CFAP20DC: variants seen among roughly 807,000 people sequenced by gnomAD.
CFAP20DC encodes CFAP20 domain containing, also known as protein CFAP20DC.
In CFAP20DC, 84 loss-of-function variants were observed where a neutral mutation model predicts 101.7. That is an observed-to-expected ratio of 0.83 (90% confidence interval 0.69 to 0.99). CFAP20DC has a LOEUF of 0.99. CFAP20DC is among the 50% of genes least tolerant of loss of function. The pLI is 0.00. For missense variants in CFAP20DC, 1,007 were observed against 970.3 expected, an observed-to-expected ratio of 1.04 and a Z score of -0.50; for synonymous variants, 359 against 351.2, an observed-to-expected ratio of 1.02 and a Z score of -0.25.
At chr3:58,949,022 G>A (rs2089737487) in intron 4 of CFAP20DC, among the ~76,000 whole-genome samples, 1 of 151,896 alleles carries the variant, frequency 6.6e-6, no homozygotes, top group Non-Finnish European at 1.5e-5. Flanking sequence ...TCTTGGGAGG[G>A]TGTATGTGTC....
chr3:58,719,330 CTAGT>C (rs1212676164), intron 3 of CFAP20DC, among the ~76,000 whole-genome samples: 1 of 152,162 alleles, frequency 6.6e-6, no homozygotes, highest in African/African-American at 2.4e-5. Context: ...GAGTAGCGTT[CTAGT>C]TAATCGAGGT....
intron 15 of CFAP20DC, among the ~76,000 whole-genome samples, chr3:58,771,926 A>G (rs1012239849): frequency 6.6e-6 from 1 of 152,136 alleles, no homozygotes; most frequent in Admixed American, 6.6e-5. Context: ...TTTCTTTTCT[A>G]TGAAGACTTC....
At chr3:58,841,135 C>A (rs2077072485) in intron 13 of CFAP20DC, among the ~76,000 whole-genome samples, 1 of 152,216 alleles carries the variant, frequency 6.6e-6, no homozygotes. Context: ...CCTAAGTGAA[C>A]CTGCACAGTT....
intron 4 of CFAP20DC, among the ~76,000 whole-genome samples, chr3:59,022,930 T>C (rs1390882533): frequency 6.6e-6 from 1 of 152,132 alleles, no homozygotes; most frequent in Non-Finnish European, 1.5e-5. Context: ...TACATGACCA[T>C]TTCAAGAAAA....
intron 4 of CFAP20DC, among the ~76,000 whole-genome samples, chr3:58,956,971 A>G (rs2090690775): frequency 6.6e-6 from 1 of 152,180 alleles, no homozygotes; most frequent in Non-Finnish European, 1.5e-5. Context: ...TCCCTCCCAC[A>G]ACACAAGGGG....
At position 58,861,755 on chromosome 3, in the gene CFAP20DC, A is replaced by G; in HGVS notation, c.1593+1803T>C. On this transcript the variant is annotated intron_variant, in intron 12 of 16. Transcript: ENST00000482387. The surrounding 1 kb of genome is among the most constrained non-coding windows in gnomAD (Gnocchi z 4.0). ...CTCTGATTAAAGGGTGGTGAGTGCCAGTGTTGGCAATGGGATGGTCTCACC... is the reference window on the plus strand; with the variant it reads ...CTCTGATTAAAGGGTGGTGAGTGCCGGTGTTGGCAATGGGATGGTCTCACC... The G allele has an allele frequency of 1.0e-6, 1 of 985,438 alleles. No individual in the cohort carries two copies. The highest frequency in any genetic ancestry group is 5.2e-4 in the Middle Eastern group (1 of 1,918). 61.0% of individuals were successfully genotyped at this position (985,438 alleles called of 1,614,324 possible). A position where few individuals can be genotyped will look rare whatever the true frequency, so the allele number is the denominator to read the frequency against.
intron 6 of CFAP20DC, among the ~76,000 whole-genome samples, chr3:58,888,061 C>T (rs548968111): frequency 6.6e-6 from 1 of 152,238 alleles, no homozygotes; most frequent in African/African-American, 2.4e-5. Flanking sequence ...ATCTCCCCAC[C>T]TCACCACTAA....
intron 4 of CFAP20DC, among the ~76,000 whole-genome samples, chr3:59,021,609 T>TCC (rs2108992693): frequency 1.3e-5 from 2 of 152,216 alleles, no homozygotes; most frequent in East Asian, 3.9e-4. Flanking sequence ...ATCCTGATTA[T>TCC]TATTTCAAAT....
chr3:58,768,214 A>T (rs1344252128), intron 15 of CFAP20DC, among the ~76,000 whole-genome samples: 1 of 152,208 alleles, frequency 6.6e-6, no homozygotes, highest in Non-Finnish European at 1.5e-5. Context: ...TCTGAAAAAG[A>T]GAGATTCTCA....
intron 12 of CFAP20DC, chr3:58,862,735 T>A: frequency 2.1e-6 from 2 of 968,082 alleles, no homozygotes; most frequent in Non-Finnish European, 2.5e-6. Flanking sequence ...ATAATTTCTA[T>A]ATAGAAAAGC....
chr3:59,043,613 C>T (rs987045875), intron 3 of CFAP20DC, among the ~76,000 whole-genome samples: 14 of 152,060 alleles, frequency 9.2e-5, no homozygotes, highest in Admixed American at 7.9e-4. Flanking sequence ...GCTACTCCCC[C>T]GAGACACATC....
intron 14 of CFAP20DC, 99 bp from the exon 15 acceptor site, chr3:58,806,555 C>A (rs1402092998): frequency 3.8e-4 from 304 of 795,354 alleles, no homozygotes; most frequent in East Asian, 5.4e-4. Context: ...TCCTCAGACA[C>A]AACCCACAAG....
Position 58,848,134 on chromosome 3 carries a change from A to T in CFAP20DC, c.1971+898T>A, listed in dbSNP as rs563221769. Among the ~76,000 whole-genome samples the T allele has an allele frequency of 2.2e-3, 289 of 132,224 alleles. 1 individual carries two copies. Among genetic ancestry groups the T allele is most frequent in the African/African-American group, 8.2e-3 (274 of 33,332 alleles). The allele number at this position is 132,224 out of a possible 152,430, so 86.7% of individuals were successfully genotyped here. A position where few individuals can be genotyped will look rare whatever the true frequency, so the allele number is the denominator to read the frequency against. Reference sequence around the variant, plus strand: ...TATACATATGTAACTAACCTGCACAATGTGCACATGTACCCTAAAACTTAA... The same window carrying T: ...TATACATATGTAACTAACCTGCACATTGTGCACATGTACCCTAAAACTTAA... On this transcript the variant is annotated intron_variant, in intron 13 of 16. Coordinates refer to ENST00000482387, the MANE Select transcript of CFAP20DC (RefSeq NM_001394063.1).
At chr3:58,800,967 C>T (rs1187551554) in intron 15 of CFAP20DC, among the ~76,000 whole-genome samples, 2 of 140,258 alleles carry the variant, frequency 1.4e-5, no homozygotes, top group Non-Finnish European at 3.1e-5. Flanking sequence ...CCTCCCTCAA[C>T]TCAAATACTG....
intron 15 of CFAP20DC, among the ~76,000 whole-genome samples, chr3:58,782,058 A>G (rs2071880428): frequency 6.6e-6 from 1 of 152,092 alleles, no homozygotes. Context: ...CCAACATTAT[A>G]TTAAAAAAAT....
At chr3:58,942,078 T>C (rs2088688558) in intron 4 of CFAP20DC, among the ~76,000 whole-genome samples, 1 of 152,236 alleles carries the variant, frequency 6.6e-6, no homozygotes, top group South Asian at 2.1e-4. Flanking sequence ...TCATGAAAGG[T>C]TGCAGAATTT....
chr3:58,946,935 T>C (rs2089447852), intron 4 of CFAP20DC, among the ~76,000 whole-genome samples: 1 of 152,196 alleles, frequency 6.6e-6, no homozygotes, highest in Non-Finnish European at 1.5e-5. Flanking sequence ...TCCCAACAAC[T>C]CTTTGAAATA....
chr3:58,789,426 AG>A (rs1485608910), intron 15 of CFAP20DC, among the ~76,000 whole-genome samples: 2 of 152,202 alleles, frequency 1.3e-5, no homozygotes, highest in African/African-American at 4.8e-5. Context: ...TCAGATTATC[AG>A]ATACCTTATT....
Position 58,913,559 on chromosome 3 carries a change from G to A in CFAP20DC, c.550+149C>T, listed in dbSNP as rs561174379. ...ATAGTAAAAATAAACATTTGATCTA[G>A]AACAAAGAAATCAGCATGACTGTTG... On this transcript the variant is annotated intron_variant, in intron 6 of 16. Transcript: ENST00000482387. This position sits in a 1 kb window ranked among gnomAD's most constrained non-coding sequence, Gnocchi z 4.4. The A allele has an allele frequency of 4.0e-6, 3 of 741,818 alleles. No homozygotes were observed. The African/African-American group carries it at 5.3e-5, about 13-fold the overall frequency. The allele number at this position is 741,818 out of a possible 1,614,324, so 46.0% of individuals were successfully genotyped here.
Sources: allele counts gnomAD v4.1 joint callset (sites outside exome capture counted in the v4.1 genomes callset), GRCh38; gene constraint gnomAD v4.1.1; non-coding constraint Gnocchi (gnomAD v3.1); transcripts MANE v1.5; gene names NCBI Gene and HGNC (gene_info 2026-07-23, HGNC 2026-07-21).